The following CFAP61 variants were observed in gnomAD, a reference collection of about 807,000 sequenced individuals.
CFAP61 encodes the protein cilia and flagella associated protein 61.
Under a neutral mutation model 135.6 loss-of-function variants are expected in CFAP61, and 107 were observed. The ratio of observed to expected loss-of-function variants is 0.79; its 90% CI spans 0.67 to 0.93. The LOEUF is 0.93. CFAP61 is among the 40% of genes least tolerant of loss of function. CFAP61 has a pLI of 0.00. For synonymous variants in CFAP61, 575 were observed against 578.5 expected, an observed-to-expected ratio of 0.99 and a Z score of 0.09; for missense variants, 1,507 against 1,556.2, an observed-to-expected ratio of 0.97 and a Z score of 0.53.
At chr20:20,356,362 G>A (rs1210094333) in intron 26 of CFAP61, among the ~76,000 whole-genome samples, 2 of 150,200 alleles carry the variant, frequency 1.3e-5, no homozygotes, top group African/African-American at 2.5e-5. Context: ...GTGAGGGGAA[G>A]TGGTCACACT....
chr20:20,296,330 T>C (rs199668471), intron 24 of CFAP61, among the ~76,000 whole-genome samples: 17 of 39,598 alleles, frequency 4.3e-4, no homozygotes, highest in Middle Eastern at 0.028. Context: ...TTCCTTCCCT[T>C]CCTTCCTTCC....
chr20:20,351,426 C>T (rs556339307), intron 26 of CFAP61, among the ~76,000 whole-genome samples: 1 of 151,880 alleles, frequency 6.6e-6, no homozygotes, highest in South Asian at 2.1e-4. Context: ...ACTAAAAATA[C>T]AAAAAATTAG....
chr20:20,164,119 G>GC lies in CFAP61; in HGVS notation c.1097dup (p.Ser367IlefsTer6). 6.2e-7 allele frequency: 1 copy of GC among 1,613,938 alleles called. No homozygotes were observed. The highest frequency in any genetic ancestry group is 8.5e-7 in the Non-Finnish European group (1 of 1,179,888). On this transcript the variant is annotated frameshift_variant, in exon 11 of 27. Transcript: ENST00000245957. LOFTEE classifies it high-confidence loss of function. ...TCACCATGTCAGCAGTAGGAGCTTGGCATCGCTCGTACTGCCTGAAGAGCC... is the reference window on the plus strand; with the variant it reads ...TCACCATGTCAGCAGTAGGAGCTTGGCCATCGCTCGTACTGCCTGAAGAGCC...
chr20:20,214,729 C>T (rs79469779), intron 17 of CFAP61, among the ~76,000 whole-genome samples: 21,093 of 152,286 alleles, frequency 0.14, 1,590 homozygotes, highest in Middle Eastern at 0.22. Context: ...GAGATGAAGG[C>T]CTAAAATCTC....
intron 17 of CFAP61, among the ~76,000 whole-genome samples, chr20:20,227,647 A>T (rs776604479): frequency 9.2e-5 from 14 of 152,166 alleles, no homozygotes; most frequent in Non-Finnish European, 1.6e-4. Context: ...AGGCCTCCTG[A>T]CTCTGAAGTA....
chr20:20,100,847 A>G (rs2047971784), intron 8 of CFAP61, among the ~76,000 whole-genome samples: 1 of 152,328 alleles, frequency 6.6e-6, no homozygotes, highest in Non-Finnish European at 1.5e-5. Flanking sequence ...CCACAGAGAT[A>G]TGGGCACTAA....
chr20:20,194,723 A>G (rs974091774), intron 15 of CFAP61, among the ~76,000 whole-genome samples: 4 of 152,184 alleles, frequency 2.6e-5, no homozygotes, highest in African/African-American at 9.7e-5. Context: ...GGATGGCAGT[A>G]TCTGGCTTCC....
At chr20:20,065,630 A>AAAC (rs3059790) in intron 2 of CFAP61, among the ~76,000 whole-genome samples, 4 of 151,168 alleles carry the variant, frequency 2.6e-5, no homozygotes, top group Non-Finnish European at 5.9e-5. Flanking sequence ...AAAAAAAAAA[A>AAAC]GGTGGTTCTT....
At chr20:20,346,993 C>A (rs991221121) in intron 26 of CFAP61, among the ~76,000 whole-genome samples, 2 of 152,242 alleles carry the variant, frequency 1.3e-5, no homozygotes, top group Non-Finnish European at 2.9e-5. Context: ...CCAGGATAGG[C>A]CATATGTTAG....
At chr20:20,106,142 G>A (rs1449456687) in intron 8 of CFAP61, among the ~76,000 whole-genome samples, 1 of 150,708 alleles carries the variant, frequency 6.6e-6, no homozygotes, top group African/African-American at 2.4e-5. Flanking sequence ...CTATACCCAG[G>A]CATCTCCAAT....
Position 20,251,738 on chromosome 20 carries a change from T to G in CFAP61, c.2303T>G (p.Ile768Ser). 3 of 1,613,872 alleles carry G rather than the reference T, an allele frequency of 1.9e-6. No homozygotes were observed. Among genetic ancestry groups the G allele is most frequent in the Non-Finnish European group, 2.5e-6 (3 of 1,180,026 alleles). ...GAGATCGTGCCCTACGACCACCTCA[T>G]CCTCTGCACCGGGCAGCAGTACCAG... The part of the protein sequence containing the change: ...TDEIVPYDHL[I>S]LCTGQQYQVP... Residue 768 changes from isoleucine to serine, a missense_variant, in exon 20 of 27, where the codon ATC (isoleucine) becomes AGC (serine). Transcript: ENST00000245957.
intron 8 of CFAP61, among the ~76,000 whole-genome samples, chr20:20,103,705 T>A (rs1167034593): frequency 6.6e-6 from 1 of 152,208 alleles, no homozygotes; most frequent in Non-Finnish European, 1.5e-5. Context: ...CAAAACAATA[T>A]TTTTTCCAGT....
intron 8 of CFAP61, among the ~76,000 whole-genome samples, chr20:20,136,382 T>A (rs2050925481): frequency 6.6e-6 from 1 of 152,144 alleles, no homozygotes; most frequent in Non-Finnish European, 1.5e-5. Context: ...TTTTTCCCTT[T>A]GAGGCTATTT....
At chr20:20,157,097 TTCTC>T (rs1169707132) in intron 9 of CFAP61, among the ~76,000 whole-genome samples, 2 of 152,088 alleles carry the variant, frequency 1.3e-5, no homozygotes, top group South Asian at 4.1e-4. Flanking sequence ...ATTCTTTTTT[TTCTC>T]TCTCTCTATT....
intron 3 of CFAP61, among the ~76,000 whole-genome samples, chr20:20,071,591 C>T (rs1034614573): frequency 6.6e-6 from 1 of 152,126 alleles, no homozygotes; most frequent in Non-Finnish European, 1.5e-5. Context: ...CAGAGACAGG[C>T]CCCAGTTTTT....
At chr20:20,194,633 T>C (rs552250580) in intron 15 of CFAP61, among the ~76,000 whole-genome samples, 2 of 152,346 alleles carry the variant, frequency 1.3e-5, no homozygotes, top group South Asian at 2.1e-4. Context: ...ATGGGTATCC[T>C]TGACAGTTGT....
chr20:20,136,154 TTAGGGTCCCTTTTTTTAC>T (rs576056484), intron 8 of CFAP61, among the ~76,000 whole-genome samples: 44 of 152,336 alleles, frequency 2.9e-4, no homozygotes, highest in African/African-American at 1.0e-3. Context: ...CTTGCTGCTT[TTAGGGTCCCTTTTTTTAC>T]CCTTGACCTT....
At chr20:20,160,284 G>A (rs1157803377) in intron 10 of CFAP61, among the ~76,000 whole-genome samples, 2 of 152,162 alleles carry the variant, frequency 1.3e-5, no homozygotes, top group Non-Finnish European at 2.9e-5. Flanking sequence ...CTTGAGAAGG[G>A]AATGGAACAT....
At position 20,360,295 on chromosome 20, in the gene CFAP61, T is replaced by C. The variant is rs775718374; in HGVS notation, c.3599T>C (p.Leu1200Pro). Residue 1200 changes from leucine to proline, a missense_variant, in exon 27 of 27, where the codon CTC becomes CCC. By Grantham distance (98) the Leu-to-Pro change is moderately conservative. Coordinates refer to ENST00000245957, the MANE Select transcript of CFAP61 (RefSeq NM_015585.4). Reference sequence around the variant, plus strand: ...CCGACTGAGAAGCCCAGGCAATACCTCAAAAGAGTTTTTGAGGAATCCATC... The same window carrying C: ...CCGACTGAGAAGCCCAGGCAATACCCCAAAAGAGTTTTTGAGGAATCCATC... ...INPTEKPRQY[L>P]KRVFEESIYK... 1 of 1,613,810 alleles carries C rather than the reference T, an allele frequency of 6.2e-7. No individual in the cohort carries two copies. Among genetic ancestry groups the C allele is most frequent in the East Asian group, 2.2e-5 (1 of 44,876 alleles).
Sources: allele counts gnomAD v4.1 joint callset (sites outside exome capture counted in the v4.1 genomes callset), GRCh38; gene constraint gnomAD v4.1.1; transcripts MANE v1.5; gene names NCBI Gene and HGNC (gene_info 2026-07-23, HGNC 2026-07-21).